Variants in MYO1E observed in about 807,000 individuals in gnomAD.
MYO1E encodes myosin IE.
MYO1E carries 68 observed loss-of-function variants against 151.1 expected under a neutral mutation model. The ratio of observed to expected loss-of-function variants is 0.45; its 90% CI spans 0.37 to 0.55. MYO1E has a LOEUF of 0.55. Among genes scored for constraint, MYO1E ranks in the 20% least tolerant of loss-of-function variants. The probability of loss-of-function intolerance (pLI) is 0.00; values close to 1 mark genes in which losing one functional copy is unlikely to be tolerated. For missense variants in MYO1E, 1,363 were observed against 1,389.3 expected, an observed-to-expected ratio of 0.98 and a Z score of 0.30; for synonymous variants, 601 against 501.7, an observed-to-expected ratio of 1.20 and a Z score of -2.64.
intron 2 of MYO1E, among the ~76,000 whole-genome samples, chr15:59,269,381 C>T (rs2080276176): frequency 6.6e-6 from 1 of 152,228 alleles, no homozygotes; most frequent in Non-Finnish European, 1.5e-5. Flanking sequence ...TCCAGATCCA[C>T]ATCCTGCCAC....
intron 1 of MYO1E, among the ~76,000 whole-genome samples, chr15:59,273,224 A>C (rs1360682702): frequency 6.6e-6 from 1 of 152,158 alleles, no homozygotes; most frequent in East Asian, 1.9e-4. Context: ...TTTCAGCTTC[A>C]CACCAGGGGC....
intron 17 of MYO1E, among the ~76,000 whole-genome samples, chr15:59,189,874 G>GA (rs1303645779): frequency 6.6e-6 from 1 of 152,130 alleles, no homozygotes. Context: ...AATGTCTTTT[G>GA]AAAAAATGGA....
Position 59,227,585 on chromosome 15 carries a change from T to C in MYO1E, c.516A>G (p.Lys172=), listed in dbSNP as rs150716172. 43 of 1,613,960 alleles carry C rather than the reference T, an allele frequency of 2.7e-5. No homozygotes were observed. Among genetic ancestry groups the C allele is most frequent in the Middle Eastern group, 1.6e-4 (1 of 6,084 alleles). The change falls in exon 7 of 28, where the codon AAA becomes AAG. Residue 172 remains lysine (K), a synonymous_variant. Transcript: ENST00000288235. The part of the protein sequence containing the change: ...VRNNNSSRFG[K]YFEIQFSPGG... The stretch of plus-strand genomic sequence containing the variant: ...CTGGACTGAACTGGATTTCAAAGTA[T>C]TTTCCCTGCAAGAAAGTTAGGGATT...
At chr15:59,367,563 T>C (rs1294133080) in intron 1 of MYO1E, among the ~76,000 whole-genome samples, 1 of 152,184 alleles carries the variant, frequency 6.6e-6, no homozygotes, top group African/African-American at 2.4e-5. Context: ...CCTGTTATAA[T>C]AGCTTAGAGA....
chr15:59,329,113 A>G (rs1396596768), intron 1 of MYO1E, among the ~76,000 whole-genome samples: 1 of 152,218 alleles, frequency 6.6e-6, no homozygotes, highest in Non-Finnish European at 1.5e-5. Context: ...AACAATTAAC[A>G]TTGACTGAAT....
chr15:59,217,779 T>G, intron 10 of MYO1E, 112 bp downstream of exon 10: 5 of 1,198,532 alleles, frequency 4.2e-6, no homozygotes, highest in Non-Finnish European at 6.2e-6. Flanking sequence ...CCTCCCACCT[T>G]GGCCTCTCAA....
chr15:59,323,984 A>G (rs1419362256), intron 1 of MYO1E, among the ~76,000 whole-genome samples: 1 of 152,092 alleles, frequency 6.6e-6, no homozygotes, highest in African/African-American at 2.4e-5. Flanking sequence ...AGGCAGGAAA[A>G]AAAAAAACAA....
Position 59,178,545 on chromosome 15 carries a change from GA to G in MYO1E, c.1905-9del. 6.2e-7 allele frequency: 1 copy of G among 1,613,840 alleles called. No homozygotes were observed. Among genetic ancestry groups the G allele is most frequent in the South Asian group, 1.1e-5 (1 of 91,058 alleles). ...TTGGTCAGAATGGCATACCTGTGGG[GA>G]CATTGGGGAGAAGAGAATCACACTT... is the stretch of plus-strand genomic sequence containing the variant. On this transcript the variant is annotated splice_polypyrimidine_tract_variant and intron_variant, in intron 18 of 27. Transcript: ENST00000288235.
At chr15:59,356,296 G>A (rs979774243) in intron 1 of MYO1E, among the ~76,000 whole-genome samples, 34 of 149,104 alleles carry the variant, frequency 2.3e-4, no homozygotes, top group African/African-American at 7.3e-4. Context: ...CCATCTTTCC[G>A]AAGGGCAAGC....
rs565348074 is a variant in MYO1E at position 59,318,281 on chromosome 15, C to T, written c.4-45832G>A. Among the ~76,000 whole-genome samples the T allele has an allele frequency of 3.9e-5, 6 of 152,298 alleles. No individual in the cohort carries two copies. In the South Asian group the frequency reaches 1.2e-3, roughly 32 times the overall value. ...GAGGCAGACATGGAGGTCCCATCTT[C>T]CTAGTGCTGGAACTAAGTCTCGAAA... On this transcript the variant is annotated intron_variant, in intron 1 of 27. Coordinates refer to ENST00000288235, the MANE Select transcript of MYO1E (RefSeq NM_004998.4).
intron 13 of MYO1E, 111 bp from the exon 14 acceptor site, chr15:59,208,959 C>G (rs1426327909): frequency 7.7e-7 from 1 of 1,305,086 alleles, no homozygotes; most frequent in East Asian, 2.4e-5. Flanking sequence ...AAGATACCAT[C>G]TTGAAAGTCA....
rs187612920 is a variant in MYO1E at position 59,220,309 on chromosome 15, C to T, written c.911-2222G>A. On this transcript the variant is annotated intron_variant, in intron 9 of 27. Coordinates refer to ENST00000288235, the MANE Select transcript of MYO1E (RefSeq NM_004998.4). ...ACTAAAAATACAAAAGTTAGCCAGG[C>T]GTGGTGGTGCGCACCTGTAATCCCA... 5.5e-4 allele frequency among the ~76,000 whole-genome samples: 84 copies of T among 152,212 alleles called. 1 individual carries two copies. The highest frequency in any genetic ancestry group is 1.1e-3 in the Non-Finnish European group (74 of 68,028).
intron 1 of MYO1E, among the ~76,000 whole-genome samples, chr15:59,278,199 T>A (rs763781541): frequency 6.6e-6 from 1 of 152,180 alleles, no homozygotes; most frequent in Non-Finnish European, 1.5e-5. Context: ...AGCCATTTAG[T>A]TGGCCCATGA....
At chr15:59,153,953 T>G (rs2079496045) in intron 25 of MYO1E, among the ~76,000 whole-genome samples, 162 bp from the exon 26 acceptor site, 1 of 152,218 alleles carries the variant, frequency 6.6e-6, no homozygotes, top group African/African-American at 2.4e-5. Flanking sequence ...TAACACATTG[T>G]GAGAATTAGA....
intron 2 of MYO1E, among the ~76,000 whole-genome samples, chr15:59,271,992 C>T (rs1475171022): frequency 6.6e-6 from 1 of 152,248 alleles, no homozygotes; most frequent in Non-Finnish European, 1.5e-5. Flanking sequence ...TTTGCACAGC[C>T]TGAACCAAGT....
intron 1 of MYO1E, among the ~76,000 whole-genome samples, chr15:59,360,705 T>C (rs1246736199): frequency 1.3e-5 from 2 of 152,198 alleles, no homozygotes; most frequent in Non-Finnish European, 2.9e-5. Flanking sequence ...ACAAAAGGAC[T>C]TCAGCTCCGA....
chr15:59,153,613 C>G lies in MYO1E; in HGVS notation c.3057G>C (p.Lys1019Asn), dbSNP rs2079493725. 6.2e-7 allele frequency: 1 copy of G among 1,614,176 alleles called. No homozygotes were observed. Among genetic ancestry groups the G allele is most frequent in the South Asian group, 1.1e-5 (1 of 91,082 alleles). ...ACCCTGCAGCTCCCTGGTCCGGGAC[C>G]TTGAGGAAATCCAGGCTCTCTGGCG... ...SQTPESLDFLKVPDQGAAGVR... is the reference protein window; with the variant it reads ...SQTPESLDFLNVPDQGAAGVR... The change falls in exon 26 of 28, where the codon AAG (lysine) becomes AAC (asparagine). Residue 1019 changes from lysine to asparagine, a missense_variant. Physicochemically the swap from Lys to Asn is moderately conservative, Grantham distance 94. Transcript: ENST00000288235.
rs138006335 is a variant in MYO1E at position 59,272,530 on chromosome 15, A to G, written c.4-81T>C. ...AAGACAAAATGCTGTTAATTTCCCA[A>G]ATATTCTTAAAATAAAATGTAGCAG... On this transcript the variant is annotated intron_variant, in intron 1 of 27. Transcript: ENST00000288235. 1.1e-3 allele frequency: 1,584 copies of G among 1,419,692 alleles called. 16 individuals carry two copies. The African/African-American group carries it at 0.02, about 18-fold the overall frequency. The allele number at this position is 1,419,692 out of a possible 1,614,324, so 87.9% of individuals were successfully genotyped here. A position where few individuals can be genotyped will look rare whatever the true frequency, so the allele number is the denominator to read the frequency against.
At chr15:59,146,075 AATG>A (rs1180548485) in intron 26 of MYO1E, among the ~76,000 whole-genome samples, 11 of 152,270 alleles carry the variant, frequency 7.2e-5, no homozygotes, top group African/African-American at 2.6e-4. Context: ...GCTGGGGTAC[AATG>A]ATATGATCAT....
Sources: gnomAD v4.1 joint callset for allele counts (sites outside exome capture counted in the v4.1 genomes callset) on GRCh38, gnomAD v4.1.1 for gene constraint, MANE v1.5 for transcripts, NCBI Gene and HGNC (gene_info 2026-07-23, HGNC 2026-07-21) for gene names.